The following DPYD variants were observed in gnomAD, a reference collection of about 807,000 sequenced individuals.
DPYD encodes dihydropyrimidine dehydrogenase [NADP(+)].
Under a neutral mutation model 116.2 loss-of-function variants are expected in DPYD, and 109 were observed. The ratio of observed to expected loss-of-function variants is 0.94; its 90% CI spans 0.80 to 1.10. The LOEUF (loss-of-function observed/expected upper bound fraction) is 1.10, where lower values mean the gene tolerates loss of function less well. Ranked by LOEUF, DPYD falls within the 50% of genes least tolerant of loss-of-function variation. DPYD has a pLI of 0.00. For missense variants in DPYD, 1,302 were observed against 1,254.5 expected, an observed-to-expected ratio of 1.04 and a Z score of -0.57; for synonymous variants, 440 against 432.0, an observed-to-expected ratio of 1.02 and a Z score of -0.23.
chr1:97,257,456 GAGAGAGAA>G (rs1193175944), intron 18 of DPYD, among the ~76,000 whole-genome samples: 3 of 123,438 alleles, frequency 2.4e-5, no homozygotes, highest in South Asian at 3.1e-4. Context: ...TATATATAGA[GAGAGAGAA>G]AGAGAGAGAG....
chr1:97,785,083 C>T (rs750975399), intron 3 of DPYD, among the ~76,000 whole-genome samples: 30 of 152,034 alleles, frequency 2.0e-4, no homozygotes, highest in South Asian at 6.2e-4. Flanking sequence ...TTATTCACAT[C>T]CTGTTGTTTA....
chr1:97,812,960 T>A (rs1668408846), intron 3 of DPYD, among the ~76,000 whole-genome samples: 1 of 152,092 alleles, frequency 6.6e-6, no homozygotes, highest in Non-Finnish European at 1.5e-5. Flanking sequence ...AAATTTCAGA[T>A]GAACAGATTA....
intron 3 of DPYD, among the ~76,000 whole-genome samples, chr1:97,776,222 T>C (rs746301544): frequency 7.2e-5 from 11 of 152,194 alleles, no homozygotes; most frequent in Non-Finnish European, 1.6e-4. Context: ...TACTCATGAA[T>C]GCCTGCAAAG....
intron 12 of DPYD, chr1:97,546,673 T>A (rs1650891002): frequency 6.2e-7 from 1 of 1,613,040 alleles, no homozygotes; most frequent in African/African-American, 1.3e-5. Flanking sequence ...GACATTAATA[T>A]CCATGCCATA....
chr1:97,255,450 T>C (rs1038771995), intron 18 of DPYD, among the ~76,000 whole-genome samples: 4 of 152,116 alleles, frequency 2.6e-5, no homozygotes, highest in Non-Finnish European at 5.9e-5. Flanking sequence ...ATTCTCATGA[T>C]AGTAAGTCTC....
At chr1:97,650,485 A>G (rs1347549388) in intron 8 of DPYD, among the ~76,000 whole-genome samples, 1 of 152,196 alleles carries the variant, frequency 6.6e-6, no homozygotes, top group Non-Finnish European at 1.5e-5. Flanking sequence ...GTTATTAACA[A>G]TTACGCACAC....
intron 13 of DPYD, among the ~76,000 whole-genome samples, chr1:97,465,123 C>T (rs182558199): frequency 1.3e-4 from 20 of 152,260 alleles, no homozygotes; most frequent in African/African-American, 4.3e-4. Flanking sequence ...TTTGACTGCC[C>T]TGCTGGATTT....
At chr1:97,529,835 CTT>C (rs1309227768) in intron 12 of DPYD, among the ~76,000 whole-genome samples, 3 of 141,018 alleles carry the variant, frequency 2.1e-5, no homozygotes, top group African/African-American at 7.9e-5. Context: ...TTTTCTCTCT[CTT>C]CTCTCTCCCT....
intron 20 of DPYD, among the ~76,000 whole-genome samples, chr1:97,126,141 T>C (rs1347522733): frequency 6.6e-6 from 1 of 152,214 alleles, no homozygotes. Context: ...GCTGTGCGTG[T>C]GAGGCTCTTT....
intron 20 of DPYD, among the ~76,000 whole-genome samples, chr1:97,157,624 C>T (rs1655566614): frequency 6.6e-6 from 1 of 152,098 alleles, no homozygotes; most frequent in African/African-American, 2.4e-5. Context: ...TCAGCCAGAA[C>T]ATATGCGACA....
intron 8 of DPYD, among the ~76,000 whole-genome samples, chr1:97,598,440 A>G (rs1557827753): frequency 6.6e-6 from 1 of 152,256 alleles, no homozygotes; most frequent in African/African-American, 2.4e-5. Context: ...AAAACAGTTC[A>G]GCGTAGTAGA....
chr1:97,209,298 T>C (rs1350181827), intron 19 of DPYD, among the ~76,000 whole-genome samples: 1 of 152,206 alleles, frequency 6.6e-6, no homozygotes, highest in Non-Finnish European at 1.5e-5. Context: ...TTTTTGTCTA[T>C]AAAATGTCAC....
At chr1:97,731,382 A>C (rs1663602063) in intron 4 of DPYD, among the ~76,000 whole-genome samples, 1 of 152,120 alleles carries the variant, frequency 6.6e-6, no homozygotes, top group Non-Finnish European at 1.5e-5. Context: ...CTAATAATTT[A>C]CTTTAAAAAT....
intron 10 of DPYD, among the ~76,000 whole-genome samples, chr1:97,584,116 T>G (rs1321066284): frequency 6.6e-6 from 1 of 152,244 alleles, no homozygotes; most frequent in African/African-American, 2.4e-5. Context: ...CTAACTGGTG[T>G]GAGATGGTAT....
At chr1:97,758,456 A>G (rs1400583805) in intron 3 of DPYD, among the ~76,000 whole-genome samples, 1 of 152,146 alleles carries the variant, frequency 6.6e-6, no homozygotes, top group Non-Finnish European at 1.5e-5. Context: ...TTAATCTTTC[A>G]ATAAGAACAT....
At chr1:97,280,273 G>A (rs978617956) in intron 18 of DPYD, 66 of 152,012 alleles carry the variant, frequency 4.3e-4, no homozygotes, top group African/African-American at 1.4e-3. Context: ...GAATAATGAG[G>A]CAGAAGATAT....
chr1:97,289,953 C>G (rs1666018806), intron 18 of DPYD, among the ~76,000 whole-genome samples: 1 of 151,954 alleles, frequency 6.6e-6, no homozygotes. Context: ...TGTCTCAGCC[C>G]AAAATCTCCT....
chr1:97,261,039 C>T (rs1204548514), intron 18 of DPYD, among the ~76,000 whole-genome samples: 2 of 152,014 alleles, frequency 1.3e-5, no homozygotes, highest in South Asian at 2.1e-4. Context: ...TAATCGTTCA[C>T]CATAAGTAAA....
At chr1:97,784,057 T>A (rs980673767) in intron 3 of DPYD, among the ~76,000 whole-genome samples, 2 of 152,136 alleles carry the variant, frequency 1.3e-5, no homozygotes, top group African/African-American at 2.4e-5. Context: ...GTAATAGAAG[T>A]AATAGGTTAT....
Sources: allele counts gnomAD v4.1 joint callset (sites outside exome capture counted in the v4.1 genomes callset), GRCh38; gene constraint gnomAD v4.1.1; transcripts MANE v1.5; gene names NCBI Gene and HGNC (gene_info 2026-07-23, HGNC 2026-07-21).